NME9: variants seen among roughly 807,000 people sequenced by gnomAD.
NME9 encodes NME/NM23 family member 9.
In NME9, 48 loss-of-function variants were observed where a neutral mutation model predicts 44.4. The ratio of observed to expected loss-of-function variants is 1.08; its 90% CI spans 0.86 to 1.37. The LOEUF is 1.37. Ranked by LOEUF, NME9 falls within the 40% of genes most tolerant of loss-of-function variation. The pLI, the probability that NME9 is intolerant of heterozygous loss-of-function variation, is 0.00. For missense variants in NME9, 325 were observed against 405.2 expected (o/e 0.80, Z 1.70); for synonymous variants, 139 against 147.1 (o/e 0.94, Z 0.40).
At chr3:138,306,867 TAGGAGAA>T (rs2052309556) in intron 6 of NME9, among the ~76,000 whole-genome samples, 1 of 152,086 alleles carries the variant, frequency 6.6e-6, no homozygotes, top group African/African-American at 2.4e-5. Flanking sequence ...AGAGGAGGTA[TAGGAGAA>T]AGTGAGAGGG....
At chr3:138,272,422 G>A (rs1321242162) in intron 8 of NME9, among the ~76,000 whole-genome samples, 2 of 151,276 alleles carry the variant, frequency 1.3e-5, no homozygotes, top group East Asian at 3.8e-4. Flanking sequence ...ACATTCAAAT[G>A]TCTGTACCTA....
chr3:138,290,899 G>A (rs1345348474), intron 8 of NME9, among the ~76,000 whole-genome samples: 1 of 152,206 alleles, frequency 6.6e-6, no homozygotes, highest in Non-Finnish European at 1.5e-5. Flanking sequence ...GAGGCCATTT[G>A]CGTACATTCG....
Position 138,303,438 on chromosome 3 carries a change from T to A in NME9, c.928+69A>T, listed in dbSNP as rs1229339589. 4.6e-6 allele frequency: 6 copies of A among 1,294,248 alleles called. No homozygotes were observed. In the East Asian group the frequency reaches 1.4e-4, roughly 30 times the overall value. 80.2% of individuals were successfully genotyped at this position (1,294,248 alleles called of 1,614,324 possible). A position where few individuals can be genotyped will look rare whatever the true frequency, so the allele number is the denominator to read the frequency against. ...CAAAAATTATCAATCCCCCACACAC[T>A]CAAGCACATAGTTACAAATTCCTTG... On this transcript the variant is annotated intron_variant, in intron 10 of 10. Transcript: ENST00000333911.
At chr3:138,278,681 C>T (rs2049556832) in intron 8 of NME9, among the ~76,000 whole-genome samples, 1 of 152,082 alleles carries the variant, frequency 6.6e-6, no homozygotes, top group African/African-American at 2.4e-5. Flanking sequence ...TTGAGTCTTC[C>T]AATTCATGAA....
chr3:138,324,736 A>G, intron 2 of NME9, 137 bp downstream of exon 2: 1 of 558,604 alleles, frequency 1.8e-6, no homozygotes, highest in Non-Finnish European at 3.3e-6. Context: ...ACACACACAC[A>G]CACATCACCT....
chr3:138,291,077 C>T (rs1378412678), intron 8 of NME9, among the ~76,000 whole-genome samples: 3 of 152,224 alleles, frequency 2.0e-5, no homozygotes, highest in Non-Finnish European at 4.4e-5. Context: ...TCAAAGAGCT[C>T]ATCATTTCCT....
intron 8 of NME9, chr3:138,267,167 G>T: frequency 6.4e-7 from 1 of 1,565,354 alleles, no homozygotes; most frequent in Non-Finnish European, 8.7e-7. Flanking sequence ...TTTACAAAAT[G>T]CACCAGATGA....
At chr3:138,285,536 TTC>T (rs968260951) in intron 8 of NME9, among the ~76,000 whole-genome samples, 5 of 152,218 alleles carry the variant, frequency 3.3e-5, no homozygotes, top group Non-Finnish European at 7.3e-5. Flanking sequence ...AACACTTTTC[TTC>T]TCTCTGTTTC....
intron 2 of NME9, among the ~76,000 whole-genome samples, chr3:138,322,020 G>A (rs2053495207): frequency 6.6e-6 from 1 of 151,918 alleles, no homozygotes; most frequent in South Asian, 2.1e-4. Flanking sequence ...CCACGTAGAG[G>A]ATAAAGTTCT....
At chr3:138,300,106 T>A (rs2051763913), downstream of NME9, among the ~76,000 whole-genome samples, 1 of 152,180 alleles carries the variant, frequency 6.6e-6, no homozygotes, top group Admixed American at 6.5e-5. Context: ...GAATAGTGCA[T>A]CCAGCTTCCT....
chr3:138,292,622 T>C (rs1469051680), intron 8 of NME9, among the ~76,000 whole-genome samples: 2 of 152,162 alleles, frequency 1.3e-5, no homozygotes, highest in Non-Finnish European at 2.9e-5. Context: ...TGTTGCCATA[T>C]ACCAAGATGG....
intron 8 of NME9, among the ~76,000 whole-genome samples, chr3:138,274,146 G>C (rs1323678055): frequency 2.6e-5 from 4 of 151,786 alleles, no homozygotes; most frequent in Non-Finnish European, 4.4e-5. Context: ...TAATATATTT[G>C]GGTTTGAGGA....
At chr3:138,314,299 CT>C in intron 6 of NME9, 32 bp downstream of exon 6, 1 of 1,380,928 alleles carries the variant, frequency 7.2e-7, no homozygotes. Flanking sequence ...GTCTGCTTTG[CT>C]TTTTTCCCTT....
rs547000814 is a variant in NME9 at position 138,317,135 on chromosome 3, G to C, written c.267+1013C>G. ...GTAATGATCCCATTTCTGCAACTGA[G>C]CTCTGATGTCAAGTGTGTCTGGGGC... On this transcript the variant is annotated intron_variant, in intron 4 of 10. Transcript: ENST00000333911. 1.5e-4 allele frequency among the ~76,000 whole-genome samples: 23 copies of C among 152,286 alleles called. No individual in the cohort carries two copies. The South Asian group carries it at 4.2e-3, about 27-fold the overall frequency.
chr3:138,297,833 C>A (rs980656675), downstream of NME9: 1 of 152,126 alleles, frequency 6.6e-6, no homozygotes, highest in Non-Finnish European at 1.5e-5. Context: ...ATTTTTAACA[C>A]AAAACACTAT....
rs547062668 is a variant in NME9, at chr3:138,302,128, T to G, written c.929-424A>C. ...ATTGTCTATCACCTTGACTCCTGCC[T>G]TTTTTTAGCAGGAATAGTGCTAACT... is the stretch of plus-strand genomic sequence containing the variant. On this transcript the variant is annotated intron_variant, in intron 10 of 10. Transcript: ENST00000333911. 1.1e-4 allele frequency among the ~76,000 whole-genome samples: 17 copies of G among 152,174 alleles called. No homozygotes were observed. The South Asian group carries it at 3.3e-3, about 30-fold the overall frequency.
intron 2 of NME9, among the ~76,000 whole-genome samples, chr3:138,322,485 G>GGTGTGTGTGTGTGT (rs10580643): frequency 6.2e-5 from 9 of 146,330 alleles, no homozygotes; most frequent in African/African-American, 2.3e-4. Flanking sequence ...AAGAAAAAGG[G>GGTGTGTGTGTGTGT]GTGTGTGTGT....
chr3:138,322,371 G>T (rs1425773476), intron 2 of NME9, among the ~76,000 whole-genome samples: 8 of 151,790 alleles, frequency 5.3e-5, no homozygotes, highest in African/African-American at 1.9e-4. Context: ...GAGGAAGCGG[G>T]GGTGGGGGGT....
chr3:138,320,700 G>C (rs1250455698), intron 2 of NME9, among the ~76,000 whole-genome samples: 1 of 152,220 alleles, frequency 6.6e-6, no homozygotes, highest in African/African-American at 2.4e-5. Flanking sequence ...GCATTGTAGA[G>C]AGCCCAGGCT....
Sources: gnomAD v4.1 joint callset for allele counts (sites outside exome capture counted in the v4.1 genomes callset) on GRCh38, gnomAD v4.1.1 for gene constraint, MANE v1.5 for transcripts, NCBI Gene and HGNC (gene_info 2026-07-23, HGNC 2026-07-21) for gene names.